PANX1: variants seen among roughly 807,000 people sequenced by gnomAD.
PANX1 encodes the protein pannexin-1.
Under a neutral mutation model 38.7 loss-of-function variants are expected in PANX1, and 30 were observed. The observed-to-expected ratio is 0.78, with a 90% CI of 0.58 to 1.05. The LOEUF is 1.05. PANX1 is among the 50% of genes least tolerant of loss of function. PANX1 has a pLI of 0.00. For synonymous variants in PANX1, 230 were observed against 212.2 expected (o/e 1.08, Z -0.73); for missense variants, 551 against 517.2 (o/e 1.07, Z -0.63).
chr11:94,147,895 G>T (rs773716190), intron 1 of PANX1, among the ~76,000 whole-genome samples: 3 of 152,150 alleles, frequency 2.0e-5, no homozygotes, highest in African/African-American at 4.8e-5. Context: ...TATTCAACAG[G>T]GTTGGGGAGG....
rs1375862744 is a variant in PANX1, at chr11:94,179,853, A to C, written c.797A>C (p.Lys266Thr). 1.2e-6 allele frequency: 2 copies of C among 1,614,092 alleles called. No individual in the cohort carries two copies. The highest frequency in any genetic ancestry group is 1.1e-5 in the South Asian group (1 of 91,070). The change falls in exon 4 of 5, where the codon AAA (lysine) becomes ACA (threonine). Residue 266 changes from lysine (K) to threonine (T), a missense_variant. Lys to Thr is a moderately conservative substitution (Grantham distance 78). Coordinates refer to ENST00000227638, the MANE Select transcript of PANX1 (RefSeq NM_015368.4). ...ACCGTGCCCGATCAGTTTCAGTGCA[A>C]ACTCATTGCCGTGGGCATCTTCCAG... ...DSTVPDQFQC[K>T]LIAVGIFQLL... is the part of the protein sequence containing the mutation.
intron 1 of PANX1, among the ~76,000 whole-genome samples, chr11:94,137,501 A>G (rs552044221): frequency 2.0e-5 from 3 of 152,082 alleles, no homozygotes; most frequent in African/African-American, 7.2e-5. Flanking sequence ...AAGGGAGGCA[A>G]TTTGGGGGCA....
At chr11:94,161,263 T>C (rs183555480) in intron 2 of PANX1, among the ~76,000 whole-genome samples, 5 of 152,202 alleles carry the variant, frequency 3.3e-5, no homozygotes, top group African/African-American at 1.2e-4. Flanking sequence ...TGAATCTGAA[T>C]GTTGGCCTGA....
intron 1 of PANX1, among the ~76,000 whole-genome samples, chr11:94,131,785 G>A (rs1006461975): frequency 2.0e-5 from 3 of 152,168 alleles, no homozygotes; most frequent in Admixed American, 6.5e-5. Context: ...CATGGAGTTG[G>A]TACAGTGGGA....
At chr11:94,179,476 A>T in intron 3 of PANX1, 126 bp from the exon 4 acceptor site, 1 of 626,850 alleles carries the variant, frequency 1.6e-6, no homozygotes, top group Non-Finnish European at 2.8e-6. Context: ...TTGACTACTG[A>T]CGTTGTAGGT....
chr11:94,175,939 G>A, intron 2 of PANX1: 10 of 974,490 alleles, frequency 1.0e-5, no homozygotes, highest in Non-Finnish European at 1.2e-5. Context: ...TTTCTGTCTT[G>A]CGTCTGGGGC....
chr11:94,179,352 T>C (rs1246257733), intron 3 of PANX1, among the ~76,000 whole-genome samples: 3 of 152,206 alleles, frequency 2.0e-5, no homozygotes, highest in Admixed American at 1.3e-4. Context: ...CAGGCATCAC[T>C]CTAAAAATTT....
rs72253125 is a variant in PANX1 at position 94,129,088 on chromosome 11, T to TCCCGC, written c.-208_-204dup. ...ACCGCAGGAAGCGGAGCTCTCGGGT[T>TCCCGC]CCCGCCCCGCCCCGCCCCGCCGGCG... On this transcript the variant is annotated 5_prime_UTR_variant, in exon 1 of 5. The change abolishes the stop of an existing upstream ORF in the 5' untranslated region. Transcript: ENST00000227638. 273 of 409,248 alleles carry TCCCGC rather than the reference T, an allele frequency of 6.7e-4. No homozygotes were observed. The highest frequency in any genetic ancestry group is 6.3e-4 in the Admixed American group (14 of 22,254). 25.4% of individuals were successfully genotyped at this position (409,248 alleles called of 1,614,324 possible).
Position 94,141,374 on chromosome 11 carries a change from A to G in PANX1, c.181+11881A>G, listed in dbSNP as rs968175041. 3.3e-5 allele frequency among the ~76,000 whole-genome samples: 5 copies of G among 152,166 alleles called. No individual in the cohort carries two copies. In the East Asian group the frequency reaches 7.7e-4, roughly 24 times the overall value. ...TCATTGTTTTAGCTTGTAGTTCCCT[A>G]TTTACACTGGGATTTCATGAGACAC... On this transcript the variant is annotated intron_variant, in intron 1 of 4. Coordinates refer to ENST00000227638, the MANE Select transcript of PANX1 (RefSeq NM_015368.4).
chr11:94,140,363 A>G (rs1040670811), intron 1 of PANX1, among the ~76,000 whole-genome samples: 1 of 152,212 alleles, frequency 6.6e-6, no homozygotes, highest in Non-Finnish European at 1.5e-5. Context: ...GCCCTTTTTT[A>G]TGGACACACC....
intron 2 of PANX1, among the ~76,000 whole-genome samples, chr11:94,160,464 C>G (rs1947013021): frequency 6.6e-6 from 1 of 152,134 alleles, no homozygotes; most frequent in African/African-American, 2.4e-5. Flanking sequence ...GAATTGATCC[C>G]TTTCACATTA....
chr11:94,169,562 C>G (rs1316757320), intron 2 of PANX1, among the ~76,000 whole-genome samples: 1 of 151,574 alleles, frequency 6.6e-6, no homozygotes, highest in African/African-American at 2.4e-5. Flanking sequence ...GGTCTTACTG[C>G]AGTAGGGTGG....
rs762948256 is a variant in PANX1 at position 94,180,895 on chromosome 11, CTG to C, written c.*29_*30del. The C allele has an allele frequency of 2.3e-6, 3 of 1,310,370 alleles. No homozygotes were observed. The highest frequency in any genetic ancestry group is 1.7e-5 in the Admixed American group (1 of 59,430). The allele number at this position is 1,310,370 out of a possible 1,614,324, so 81.2% of individuals were successfully genotyped here. ...TGATTTTTTTCCTTGAGCTGTAAAT[CTG>C]TGACTTCTGCGACATGGGATTTAAT... On this transcript the variant is annotated 3_prime_UTR_variant, in exon 5 of 5. Transcript: ENST00000227638.
intron 1 of PANX1, among the ~76,000 whole-genome samples, chr11:94,151,374 G>T (rs968831367): frequency 1.3e-5 from 2 of 152,140 alleles, no homozygotes; most frequent in Non-Finnish European, 1.5e-5. Flanking sequence ...CCTATAGAAA[G>T]AATGTTAATA....
At chr11:94,141,171 G>A (rs1222976031) in intron 1 of PANX1, among the ~76,000 whole-genome samples, 4 of 152,178 alleles carry the variant, frequency 2.6e-5, no homozygotes. Flanking sequence ...AGTGGGGTTT[G>A]AAATCAGAGG....
intron 1 of PANX1, among the ~76,000 whole-genome samples, chr11:94,146,065 AATGGCCAG>A (rs1348964001): frequency 2.6e-5 from 4 of 152,220 alleles, no homozygotes; most frequent in Non-Finnish European, 5.9e-5. Flanking sequence ...TCTTTGCAGA[AATGGCCAG>A]TTGCAGAGTG....
chr11:94,158,038 A>G (rs1946976176), intron 2 of PANX1, among the ~76,000 whole-genome samples: 1 of 152,170 alleles, frequency 6.6e-6, no homozygotes, highest in Non-Finnish European at 1.5e-5. Context: ...AGGTTTGTCA[A>G]ATATCAGATG....
At chr11:94,132,563 A>T (rs189670497) in intron 1 of PANX1, among the ~76,000 whole-genome samples, 4 of 152,322 alleles carry the variant, frequency 2.6e-5, no homozygotes, top group Non-Finnish European at 2.9e-5. Flanking sequence ...GAAAGAAGGC[A>T]TAGCAAATCC....
intron 2 of PANX1, among the ~76,000 whole-genome samples, chr11:94,160,028 T>C: frequency 6.6e-6 from 1 of 152,170 alleles, no homozygotes; most frequent in Non-Finnish European, 1.5e-5. Context: ...TTCCATGTAG[T>C]TGAGCAGTTT....
Sources: gnomAD v4.1 joint callset for allele counts (sites outside exome capture counted in the v4.1 genomes callset) on GRCh38, gnomAD v4.1.1 for gene constraint, MANE v1.5 for transcripts, NCBI Gene and HGNC (gene_info 2026-07-23, HGNC 2026-07-21) for gene names.